The following KIAA0513 variants were observed in gnomAD, a reference collection of about 807,000 sequenced individuals.
The protein encoded by KIAA0513 is uncharacterized protein KIAA0513.
Under a neutral mutation model 56.5 loss-of-function variants are expected in KIAA0513, and 39 were observed. That is an observed-to-expected ratio of 0.69 (90% CI 0.53 to 0.90). The LOEUF (loss-of-function observed/expected upper bound fraction) is 0.90. KIAA0513 is among the 40% of genes least tolerant of loss of function. The probability of loss-of-function intolerance (pLI) is 0.00; values close to 1 mark genes in which losing one functional copy is unlikely to be tolerated. For synonymous variants in KIAA0513, 268 were observed against 215.6 expected (o/e 1.24, Z -2.13); for missense variants, 591 against 535.2 (o/e 1.10, Z -1.03).
At chr16:85,056,188 G>C (rs1000266134) in intron 1 of KIAA0513, among the ~76,000 whole-genome samples, 1 of 152,250 alleles carries the variant, frequency 6.6e-6, no homozygotes, top group East Asian at 1.9e-4. Context: ...ACGGTCTGCA[G>C]TGGGGATCCA....
chr16:85,049,942 G>A (rs758773970), intron 1 of KIAA0513, among the ~76,000 whole-genome samples: 3 of 152,178 alleles, frequency 2.0e-5, no homozygotes, highest in Non-Finnish European at 4.4e-5. Flanking sequence ...AATTACTTAA[G>A]AGTGGAAGGC....
intron 1 of KIAA0513, among the ~76,000 whole-genome samples, chr16:85,040,974 C>T (rs2073097496): frequency 6.6e-6 from 1 of 152,164 alleles, no homozygotes; most frequent in African/African-American, 2.4e-5. Context: ...TTTCCAGGCT[C>T]CTCAAAAATG....
Position 85,088,382 on chromosome 16 carries a change from C to T in KIAA0513, c.*57C>T, listed in dbSNP as rs1485981602. The T allele has an allele frequency of 1.5e-5, 22 of 1,510,008 alleles. No individual in the cohort carries two copies. The highest frequency in any genetic ancestry group is 2.0e-5 in the Non-Finnish European group (22 of 1,098,034). The allele number at this position is 1,510,008 out of a possible 1,614,324, so 93.5% of individuals were successfully genotyped here. On this transcript the variant is annotated 3_prime_UTR_variant, in exon 13 of 13. Transcript: ENST00000683363. Reference sequence around the variant, plus strand: ...AGGCCATGTGCCATTCTCCCGGGCCCAGCGCCCGGCCGTCACCCCACCCGA... The same window carrying T: ...AGGCCATGTGCCATTCTCCCGGGCCTAGCGCCCGGCCGTCACCCCACCCGA...
Position 85,088,467 on chromosome 16 carries a change from A to G in KIAA0513, c.*142A>G, listed in dbSNP as rs187279878. ...TCCTGCTGCCCTAGAACTAGCGGTT[A>G]GAAGAATCCGCTGTTCCTCCCTCAT... On this transcript the variant is annotated 3_prime_UTR_variant, in exon 13 of 13. Coordinates refer to ENST00000683363, the MANE Select transcript of KIAA0513 (RefSeq NM_001388359.1). 3.7e-3 allele frequency: 2,471 copies of G among 664,382 alleles called. 13 individuals carry two copies. The highest frequency in any genetic ancestry group is 0.013 in the East Asian group (486 of 36,798). 41.2% of individuals were successfully genotyped at this position (664,382 alleles called of 1,614,324 possible).
At chr16:85,077,863 G>A (rs1402074679) in intron 6 of KIAA0513, among the ~76,000 whole-genome samples, 2 of 152,198 alleles carry the variant, frequency 1.3e-5, no homozygotes, top group African/African-American at 4.8e-5. Context: ...CTGATGAGGA[G>A]CCCAAGGGAT....
At chr16:85,036,438 C>T (rs979159391) in intron 1 of KIAA0513, among the ~76,000 whole-genome samples, 6 of 152,136 alleles carry the variant, frequency 3.9e-5, no homozygotes, top group African/African-American at 1.4e-4. Context: ...CAGTATGTGG[C>T]CTTGTAACTA....
chr16:85,085,283 C>T (rs1267693729), intron 10 of KIAA0513, among the ~76,000 whole-genome samples: 1 of 152,212 alleles, frequency 6.6e-6, no homozygotes, highest in South Asian at 2.1e-4. Context: ...TGGGAGTGAC[C>T]TTTGTCAGTC....
intron 1 of KIAA0513, among the ~76,000 whole-genome samples, chr16:85,061,101 C>T (rs1044095148): frequency 4.0e-5 from 6 of 150,662 alleles, no homozygotes; most frequent in Non-Finnish European, 7.4e-5. Flanking sequence ...AGTAGTGAGC[C>T]GAGATCACGC....
intron 1 of KIAA0513, among the ~76,000 whole-genome samples, chr16:85,052,787 G>C (rs1361193771): frequency 1.3e-5 from 2 of 152,194 alleles, no homozygotes; most frequent in Non-Finnish European, 2.9e-5. Flanking sequence ...AGAGTTTGCT[G>C]TTTTCATTAG....
rs1033949357 is a variant in KIAA0513 at position 85,081,967 on chromosome 16, A to G, written c.980+575A>G. ...GCTGCCGTCCACCATGTGCAGCGAC[A>G]TGACAGCGAGGGACGGCAGCCCCTG... On this transcript the variant is annotated intron_variant, in intron 9 of 12. Coordinates refer to ENST00000683363, the MANE Select transcript of KIAA0513 (RefSeq NM_001388359.1). This position sits in a 1 kb window ranked among gnomAD's most constrained non-coding sequence, Gnocchi z 4.4. 3.9e-5 allele frequency among the ~76,000 whole-genome samples: 6 copies of G among 152,224 alleles called. No homozygotes were observed. Among genetic ancestry groups the G allele is most frequent in the African/African-American group, 1.4e-4 (6 of 41,472 alleles).
At chr16:85,082,529 G>A (rs1434483205) in intron 9 of KIAA0513, 35 bp from the exon 10 acceptor site, 1 of 1,612,416 alleles carries the variant, frequency 6.2e-7, no homozygotes, top group East Asian at 2.2e-5. Context: ...ACTTTGACAT[G>A]TTCCTTTGTT....
At position 85,088,314 on chromosome 16, in the gene KIAA0513, G is replaced by A; in HGVS notation, c.1225G>A (p.Ala409Thr). Residue 409 changes from alanine to threonine, a missense_variant, in exon 13 of 13, where the codon GCC becomes ACC. Physicochemically the swap from Ala to Thr is moderately conservative, Grantham distance 58. Transcript: ENST00000683363. The stretch of plus-strand genomic sequence containing the variant: ...GCTTAGTGACCACATTGAGCAAATG[G>A]CCACTGAGTAGGCCCCAGAGGTCGC... ...KLLSDHIEQM[A>T]TE The A allele has an allele frequency of 1.2e-6, 2 of 1,611,194 alleles. No individual in the cohort carries two copies. Among genetic ancestry groups the A allele is most frequent in the Non-Finnish European group, 1.7e-6 (2 of 1,179,738 alleles).
At chr16:85,032,598 G>T (rs990611121) in intron 1 of KIAA0513, among the ~76,000 whole-genome samples, 1 of 152,038 alleles carries the variant, frequency 6.6e-6, no homozygotes, top group Admixed American at 6.5e-5. Context: ...CTCTCAAGTG[G>T]TGGGATGACC....
chr16:85,070,573 G>A (rs1036000000), intron 2 of KIAA0513, among the ~76,000 whole-genome samples: 1 of 152,220 alleles, frequency 6.6e-6, no homozygotes, highest in Non-Finnish European at 1.5e-5. Context: ...TGCTACTCGG[G>A]AGGCTGAGGC....
chr16:85,071,254 A>T (rs1253349813), intron 2 of KIAA0513, among the ~76,000 whole-genome samples: 3 of 152,160 alleles, frequency 2.0e-5, no homozygotes, highest in Non-Finnish European at 4.4e-5. Flanking sequence ...TCGCTCCAGA[A>T]GTGCAGAGGG....
intron 1 of KIAA0513, among the ~76,000 whole-genome samples, chr16:85,060,857 A>AG: frequency 6.6e-6 from 1 of 150,924 alleles, no homozygotes; most frequent in African/African-American, 2.4e-5. Flanking sequence ...AAAAAAAAAA[A>AG]AGAAGAAAGA....
intron 1 of KIAA0513, 104 bp downstream of exon 1, chr16:85,027,962 C>T (rs1189327359): frequency 1.4e-5 from 2 of 146,612 alleles, no homozygotes; most frequent in African/African-American, 2.5e-5. Flanking sequence ...GGGGTGACAG[C>T]TGGGAGCGCC....
intron 4 of KIAA0513, among the ~76,000 whole-genome samples, chr16:85,075,553 C>T (rs2073643826): frequency 1.3e-5 from 2 of 152,212 alleles, no homozygotes; most frequent in African/African-American, 4.8e-5. Context: ...GCATCTCATC[C>T]TGGCTCTGCT....
Position 85,062,069 on chromosome 16 carries a change from G to A in KIAA0513, c.-172-4831G>A, listed in dbSNP as rs530745789. On this transcript the variant is annotated intron_variant, in intron 1 of 12. Coordinates refer to ENST00000683363, the MANE Select transcript of KIAA0513 (RefSeq NM_001388359.1). ...AGAGGTCTGCCTCCCCAACCTCCCCGTCCAAAGAAGCCACTTCTCAGCCCT... is the reference window on the plus strand; with the variant it reads ...AGAGGTCTGCCTCCCCAACCTCCCCATCCAAAGAAGCCACTTCTCAGCCCT... 4.6e-5 allele frequency among the ~76,000 whole-genome samples: 7 copies of A among 152,032 alleles called. No homozygotes were observed. In the South Asian group the frequency reaches 6.2e-4, roughly 14 times the overall value.
Sources: gnomAD v4.1 joint callset for allele counts (sites outside exome capture counted in the v4.1 genomes callset) on GRCh38, gnomAD v4.1.1 for gene constraint, Gnocchi (gnomAD v3.1) non-coding constraint, MANE v1.5 for transcripts, NCBI Gene and HGNC (gene_info 2026-07-23, HGNC 2026-07-21) for gene names.